RANBP2: variants seen among roughly 807,000 people sequenced by gnomAD.
RANBP2 encodes RAN binding protein 2.
In RANBP2, 57 loss-of-function variants were observed where a neutral mutation model predicts 303.6. That is an observed-to-expected ratio of 0.19 (90% confidence interval 0.15 to 0.23). The LOEUF (loss-of-function observed/expected upper bound fraction) is 0.23, where lower values mean the gene tolerates loss of function less well. Among genes scored for constraint, RANBP2 ranks in the 10% least tolerant of loss-of-function variants. The pLI is 1.00. For synonymous variants in RANBP2, 1,167 were observed against 1,301.5 expected (o/e 0.90, Z 2.23); for missense variants, 3,138 against 3,780.8 (o/e 0.83, Z 4.46).
chr2:109,170,275 T>G, the RANBP2 span, among the ~76,000 whole-genome samples: 1 of 107,770 alleles, frequency 9.3e-6, no homozygotes, highest in Non-Finnish European at 2.1e-5. Context: ...TTCTCTTCTC[T>G]TCTCTTCTCT....
chr2:108,775,159 C>T (rs990552248), intron 23 of RANBP2, among the ~76,000 whole-genome samples: 1 of 152,076 alleles, frequency 6.6e-6, no homozygotes, highest in African/African-American at 2.4e-5. Flanking sequence ...ATTTTATTTT[C>T]CTTGAGACGT....
Position 108,719,491 on chromosome 2 carries a change from C to G in RANBP2, c.-116C>G. The G allele has an allele frequency of 6.6e-7, 1 of 1,507,510 alleles. No individual in the cohort carries two copies. The highest frequency in any genetic ancestry group is 2.5e-5 in the East Asian group (1 of 40,580). 93.4% of individuals were successfully genotyped at this position (1,507,510 alleles called of 1,614,324 possible). ...GCGCCGCAAGTTCGTCACAGTGGTC[C>G]TCCGCCGGCTACGGCGCTGCGTCAC... On this transcript the variant is annotated 5_prime_UTR_variant, in exon 1 of 29. Transcript: ENST00000283195.
At chr2:109,694,352 A>G in the RANBP2 span, among the ~76,000 whole-genome samples, 2 of 151,734 alleles carry the variant, frequency 1.3e-5, no homozygotes, top group African/African-American at 2.4e-5. Flanking sequence ...CCCCAAAATC[A>G]GAAGCCTGCT....
At chr2:109,413,918 AG>A in the RANBP2 span, among the ~76,000 whole-genome samples, 6,251 of 152,322 alleles carry the variant, frequency 0.041, 281 homozygotes, top group African/African-American at 0.11. Flanking sequence ...GTGGTCCAGC[AG>A]GGGCAGTCAC....
chr2:108,910,370 G>T, the RANBP2 span: 1 of 1,052,544 alleles, frequency 9.5e-7, no homozygotes, highest in Non-Finnish European at 1.5e-6. Context: ...AGGCTAGCCT[G>T]TCAGTTCACT....
the RANBP2 span, among the ~76,000 whole-genome samples, chr2:109,656,673 G>T: frequency 6.6e-6 from 1 of 152,202 alleles, no homozygotes; most frequent in Admixed American, 6.5e-5. Context: ...AGCGCAGACT[G>T]CTCAGGTGCT....
At chr2:109,274,704 A>G in the RANBP2 span, among the ~76,000 whole-genome samples, 3 of 152,240 alleles carry the variant, frequency 2.0e-5, no homozygotes. Flanking sequence ...TCTGATAGAT[A>G]GAGGTCGTGG....
At chr2:109,437,575 G>A in the RANBP2 span, among the ~76,000 whole-genome samples, 14 of 152,114 alleles carry the variant, frequency 9.2e-5, no homozygotes, top group East Asian at 3.9e-4. Flanking sequence ...TCCATCTGCC[G>A]GGCCCTGCAG....
chr2:109,528,778 G>A, the RANBP2 span, among the ~76,000 whole-genome samples: 80 of 152,072 alleles, frequency 5.3e-4, no homozygotes, highest in African/African-American at 1.8e-3. Flanking sequence ...GGGGGTTAAG[G>A]TTGCCAATCA....
At chr2:108,824,534 A>T in the RANBP2 span, among the ~76,000 whole-genome samples, 1 of 152,196 alleles carries the variant, frequency 6.6e-6, no homozygotes, top group South Asian at 2.1e-4. Context: ...AGCTCCTATG[A>T]TAACAATGCC....
chr2:108,875,472 AG>A, the RANBP2 span, among the ~76,000 whole-genome samples: 2 of 152,158 alleles, frequency 1.3e-5, no homozygotes, highest in Non-Finnish European at 2.9e-5. Flanking sequence ...TACTCAAAAT[AG>A]GATGATCAAA....
the RANBP2 span, among the ~76,000 whole-genome samples, chr2:109,436,210 A>G: frequency 6.6e-6 from 1 of 152,216 alleles, no homozygotes; most frequent in African/African-American, 2.4e-5. Context: ...AACTGAATCC[A>G]CAGAAGCTTC....
the RANBP2 span, among the ~76,000 whole-genome samples, chr2:109,686,156 G>A: frequency 2.6e-5 from 4 of 152,088 alleles, no homozygotes; most frequent in Non-Finnish European, 5.9e-5. Context: ...CACTGGCAGT[G>A]CTGTGGGGAG....
At chr2:108,723,032 A>G (rs879496093) in intron 1 of RANBP2, among the ~76,000 whole-genome samples, 3 of 152,106 alleles carry the variant, frequency 2.0e-5, no homozygotes, top group Non-Finnish European at 4.4e-5. Flanking sequence ...TCTACTTGAC[A>G]GCTCTTATTT....
chr2:109,197,811 C>G, the RANBP2 span, among the ~76,000 whole-genome samples: 7 of 152,186 alleles, frequency 4.6e-5, no homozygotes, highest in Non-Finnish European at 5.9e-5. Flanking sequence ...TAAAAAAATG[C>G]TATGGTGGGT....
At chr2:108,975,840 C>G in the RANBP2 span, among the ~76,000 whole-genome samples, 1 of 152,082 alleles carries the variant, frequency 6.6e-6, no homozygotes, top group African/African-American at 2.4e-5. Flanking sequence ...TCAAGGCCAC[C>G]CCTCAACTGC....
At chr2:109,697,585 G>T in the RANBP2 span, among the ~76,000 whole-genome samples, 3 of 150,590 alleles carry the variant, frequency 2.0e-5, no homozygotes, top group Non-Finnish European at 4.4e-5. Flanking sequence ...TAAATATTTT[G>T]TATCCTGTCA....
At chr2:109,267,880 G>A in the RANBP2 span, among the ~76,000 whole-genome samples, 159 of 151,498 alleles carry the variant, frequency 1.0e-3, no homozygotes, top group African/African-American at 3.6e-3. Flanking sequence ...AGGCCACTGA[G>A]GGGAGAAAGG....
At chr2:109,514,165 A>T in the RANBP2 span, among the ~76,000 whole-genome samples, 2 of 152,198 alleles carry the variant, frequency 1.3e-5, no homozygotes, top group African/African-American at 4.8e-5. Flanking sequence ...TAAACTCAGC[A>T]TCAAGCTAGC....
Sources: gnomAD v4.1 joint callset for allele counts (sites outside exome capture counted in the v4.1 genomes callset) on GRCh38, gnomAD v4.1.1 for gene constraint, MANE v1.5 for transcripts, NCBI Gene and HGNC (gene_info 2026-07-23, HGNC 2026-07-21) for gene names.